Variants in ADARB2 observed in about 807,000 individuals in gnomAD.
ADARB2 encodes adenosine deaminase RNA specific B2 (inactive).
Under a neutral mutation model 62.2 loss-of-function variants are expected in ADARB2, and 25 were observed. That is an observed-to-expected ratio of 0.40 (90% CI 0.29 to 0.56). The LOEUF (loss-of-function observed/expected upper bound fraction) is 0.56, where lower values mean the gene tolerates loss of function less well. Among genes scored for constraint, ADARB2 ranks in the 20% least tolerant of loss-of-function variants. The pLI is 0.43. For synonymous variants in ADARB2, 572 were observed against 500.8 expected (o/e 1.14, Z -1.90); for missense variants, 1,071 against 1,077.4 (o/e 0.99, Z 0.08).
chr10:1,487,045 G>A (rs774493546), intron 1 of ADARB2, among the ~76,000 whole-genome samples: 6 of 152,242 alleles, frequency 3.9e-5, no homozygotes, highest in East Asian at 1.9e-4. Context: ...CTAGAAAGTC[G>A]TGGAGCCCTG....
At chr10:1,576,265 C>T (rs1052662447) in intron 1 of ADARB2, among the ~76,000 whole-genome samples, 2 of 146,056 alleles carry the variant, frequency 1.4e-5, no homozygotes, top group African/African-American at 2.6e-5. Flanking sequence ...CACTGTAGGG[C>T]TCAGGGTCAA....
intron 3 of ADARB2, among the ~76,000 whole-genome samples, chr10:1,359,807 C>G (rs1327182524): frequency 1.3e-5 from 2 of 152,222 alleles, no homozygotes; most frequent in Non-Finnish European, 2.9e-5. Flanking sequence ...GGTCTCTGAC[C>G]ACCCGACGAG....
intron 1 of ADARB2, among the ~76,000 whole-genome samples, chr10:1,718,247 G>A (rs553190913): frequency 1.1e-4 from 16 of 152,212 alleles, no homozygotes; most frequent in African/African-American, 2.2e-4. Context: ...ATATTTGGTC[G>A]TACTTTTTTG....
chr10:1,272,922 G>C (rs990660677), intron 3 of ADARB2, among the ~76,000 whole-genome samples: 3 of 152,222 alleles, frequency 2.0e-5, no homozygotes, highest in Non-Finnish European at 4.4e-5. Context: ...GCCTCCTGAG[G>C]CTCTGGGGAG....
intron 2 of ADARB2, among the ~76,000 whole-genome samples, chr10:1,364,288 C>T (rs1288870059): frequency 6.6e-6 from 1 of 152,202 alleles, no homozygotes; most frequent in Admixed American, 6.5e-5. Flanking sequence ...TCCCCCTTCC[C>T]ACCTGCTACA....
At chr10:1,548,962 G>A (rs1015356329) in intron 1 of ADARB2, among the ~76,000 whole-genome samples, 4 of 152,186 alleles carry the variant, frequency 2.6e-5, no homozygotes, top group Non-Finnish European at 5.9e-5. Context: ...TGGGCCACAG[G>A]GGCGGGGGAG....
chr10:1,283,138 C>T (rs1344535175), intron 3 of ADARB2, among the ~76,000 whole-genome samples: 3 of 152,218 alleles, frequency 2.0e-5, no homozygotes, highest in Non-Finnish European at 2.9e-5. Flanking sequence ...TGGTGTCTTA[C>T]AGCACTTTCA....
intron 1 of ADARB2, among the ~76,000 whole-genome samples, chr10:1,609,050 C>G (rs935651099): frequency 6.6e-6 from 1 of 152,152 alleles, no homozygotes; most frequent in Non-Finnish European, 1.5e-5. Context: ...AAACGCCCAC[C>G]AAACTATAAA....
intron 1 of ADARB2, among the ~76,000 whole-genome samples, chr10:1,452,220 A>T (rs1031616027): frequency 6.6e-6 from 1 of 152,228 alleles, no homozygotes. Context: ...ATGACAGCAT[A>T]CACAGGGAGA....
chr10:1,423,835 C>T lies in ADARB2; in HGVS notation c.101-44675G>A, dbSNP rs371003085. On this transcript the variant is annotated intron_variant, in intron 1 of 9. Coordinates refer to ENST00000381312, the MANE Select transcript of ADARB2 (RefSeq NM_018702.4). ...CACTATGTATACAGTAAATCCACTA[C>T]GTATGCAGCAGGACCACTATGTATG... 2.4e-4 allele frequency among the ~76,000 whole-genome samples: 32 copies of T among 134,958 alleles called. No homozygotes were observed. In the South Asian group the frequency reaches 3.9e-3, roughly 17 times the overall value. 88.5% of individuals were successfully genotyped at this position (134,958 alleles called of 152,430 possible).
At chr10:1,670,817 G>C (rs1588346269) in intron 1 of ADARB2, among the ~76,000 whole-genome samples, 1 of 152,198 alleles carries the variant, frequency 6.6e-6, no homozygotes, top group East Asian at 1.9e-4. Context: ...GGTTCTGTAA[G>C]AGCAGGAGCA....
intron 3 of ADARB2, among the ~76,000 whole-genome samples, chr10:1,346,395 C>T (rs1400411039): frequency 6.6e-6 from 1 of 152,196 alleles, no homozygotes; most frequent in African/African-American, 2.4e-5. Context: ...GCTGTGAACA[C>T]AGGTGCCCTC....
intron 3 of ADARB2, among the ~76,000 whole-genome samples, chr10:1,358,008 G>A (rs142858810): frequency 1.9e-4 from 22 of 115,840 alleles, no homozygotes; most frequent in African/African-American, 7.2e-4. Context: ...ACACACATAT[G>A]TGCATGTGCA....
chr10:1,631,458 C>T (rs1436092330), intron 1 of ADARB2, among the ~76,000 whole-genome samples: 1 of 152,226 alleles, frequency 6.6e-6, no homozygotes, highest in Non-Finnish European at 1.5e-5. Context: ...GGGCGTATCA[C>T]CTTCCCATGC....
chr10:1,328,231 C>A (rs1831895028), intron 3 of ADARB2, among the ~76,000 whole-genome samples: 1 of 152,186 alleles, frequency 6.6e-6, no homozygotes, highest in Non-Finnish European at 1.5e-5. Context: ...GCACAGGGAC[C>A]CCTCTATGGG....
At chr10:1,723,555 A>G (rs1012289434) in intron 1 of ADARB2, among the ~76,000 whole-genome samples, 3 of 152,132 alleles carry the variant, frequency 2.0e-5, no homozygotes, top group South Asian at 2.1e-4. Flanking sequence ...ACCTCCCCAT[A>G]AGAGAGTTAT....
intron 3 of ADARB2, among the ~76,000 whole-genome samples, chr10:1,328,581 G>A (rs1400816362): frequency 5.3e-5 from 8 of 152,016 alleles, no homozygotes; most frequent in African/African-American, 1.9e-4. Flanking sequence ...AGACATTCCT[G>A]GAGCGGGACA....
intron 1 of ADARB2, among the ~76,000 whole-genome samples, chr10:1,431,796 TAAAAGAATAAGGGA>T (rs974559350): frequency 6.6e-6 from 1 of 152,214 alleles, no homozygotes; most frequent in Non-Finnish European, 1.5e-5. Context: ...GTGTAGTTTT[TAAAAGAATAAGGGA>T]AAACTATGAA....
At chr10:1,671,232 C>A (rs1276830954) in intron 1 of ADARB2, among the ~76,000 whole-genome samples, 1 of 152,202 alleles carries the variant, frequency 6.6e-6, no homozygotes, top group Non-Finnish European at 1.5e-5. Context: ...CTCGCCCCCA[C>A]CCGCCTTGGG....
Sources: gnomAD v4.1 joint callset for allele counts (sites outside exome capture counted in the v4.1 genomes callset) on GRCh38, gnomAD v4.1.1 for gene constraint, MANE v1.5 for transcripts, NCBI Gene and HGNC (gene_info 2026-07-23, HGNC 2026-07-21) for gene names.